Variants in NELL1 observed in about 807,000 individuals in gnomAD.
The protein encoded by NELL1 is protein kinase C-binding protein NELL1.
Under a neutral mutation model 107.4 loss-of-function variants are expected in NELL1, and 76 were observed. That is an observed-to-expected ratio of 0.71 (90% confidence interval 0.59 to 0.86). NELL1 has a LOEUF of 0.86. Among genes scored for constraint, NELL1 ranks in the 40% least tolerant of loss-of-function variants. NELL1 has a pLI of 0.00. For synonymous variants in NELL1, 353 were observed against 341.2 expected (o/e 1.03, Z -0.38); for missense variants, 1,024 against 1,005.5 (o/e 1.02, Z -0.25).
chr11:20,726,470 A>G (rs539376741), intron 2 of NELL1, among the ~76,000 whole-genome samples: 2 of 152,158 alleles, frequency 1.3e-5, no homozygotes, highest in African/African-American at 4.8e-5. Context: ...TCTGACTTCT[A>G]TCATCGATTA....
At chr11:21,138,245 T>A (rs561262337) in intron 13 of NELL1, among the ~76,000 whole-genome samples, 2 of 152,170 alleles carry the variant, frequency 1.3e-5, no homozygotes, top group Non-Finnish European at 2.9e-5. Flanking sequence ...TTGCGGGGAT[T>A]ACTAAGTTAA....
chr11:20,979,388 G>A (rs1165258495), intron 12 of NELL1, among the ~76,000 whole-genome samples: 5 of 152,116 alleles, frequency 3.3e-5, no homozygotes, highest in African/African-American at 9.7e-5. Context: ...GTGTGCACAC[G>A]TGTGTGTTTT....
chr11:21,109,184 G>T (rs879690744), intron 12 of NELL1, among the ~76,000 whole-genome samples: 4 of 152,034 alleles, frequency 2.6e-5, no homozygotes, highest in East Asian at 1.9e-4. Flanking sequence ...TCCATATAAA[G>T]TATCTAGCAT....
chr11:21,158,215 C>T (rs1856286522), intron 13 of NELL1, among the ~76,000 whole-genome samples: 1 of 152,144 alleles, frequency 6.6e-6, no homozygotes, highest in South Asian at 2.1e-4. Flanking sequence ...GGGCCTTTGG[C>T]CAGAGACTGA....
intron 14 of NELL1, among the ~76,000 whole-genome samples, chr11:21,321,263 C>T (rs1370453437): frequency 6.6e-6 from 1 of 152,102 alleles, no homozygotes; most frequent in African/African-American, 2.4e-5. Flanking sequence ...TACCCAGCAT[C>T]AGCAATCCAT....
chr11:20,905,007 T>A (rs1268584613), intron 5 of NELL1, among the ~76,000 whole-genome samples: 3 of 151,370 alleles, frequency 2.0e-5, no homozygotes, highest in East Asian at 1.9e-4. Context: ...TTTTAATTTT[T>A]TTTTTTTTTT....
intron 4 of NELL1, among the ~76,000 whole-genome samples, chr11:20,853,624 T>C (rs1387725308): frequency 6.6e-6 from 1 of 152,212 alleles, no homozygotes; most frequent in African/African-American, 2.4e-5. Context: ...TATACCATCA[T>C]ATAGAGAAGG....
Position 21,267,624 on chromosome 11 carries a change from G to A in NELL1, c.1549+38170G>A, listed in dbSNP as rs577758571. 2.0e-5 allele frequency among the ~76,000 whole-genome samples: 3 copies of A among 151,860 alleles called. No homozygotes were observed. The South Asian group carries it at 6.2e-4, about 31-fold the overall frequency. On this transcript the variant is annotated intron_variant, in intron 14 of 19. Transcript: ENST00000357134. ...AGTCTGAGTATGTTCCTGGGAGTGT[G>A]TCTCATATGAATGTCATTCACATCT... is the stretch of plus-strand genomic sequence containing the variant.
At chr11:20,787,133 T>C (rs1447996517) in intron 3 of NELL1, among the ~76,000 whole-genome samples, 6 of 142,550 alleles carry the variant, frequency 4.2e-5, no homozygotes, top group Non-Finnish European at 9.0e-5. Context: ...ACAAAATAAA[T>C]ATGAAGAAGT....
intron 13 of NELL1, among the ~76,000 whole-genome samples, chr11:21,204,358 T>C (rs972305554): frequency 1.3e-5 from 2 of 151,974 alleles, no homozygotes; most frequent in African/African-American, 4.8e-5. Flanking sequence ...TTTCATTAAG[T>C]TGATCTTCAA....
intron 14 of NELL1, among the ~76,000 whole-genome samples, chr11:21,273,680 A>G (rs1342331959): frequency 1.3e-5 from 2 of 152,270 alleles, no homozygotes; most frequent in Non-Finnish European, 2.9e-5. Flanking sequence ...ACAAAGGGAA[A>G]CCCATCAGAC....
chr11:21,139,688 G>A (rs1158029079), intron 13 of NELL1, among the ~76,000 whole-genome samples: 3 of 152,144 alleles, frequency 2.0e-5, no homozygotes, highest in African/African-American at 4.8e-5. Flanking sequence ...CACATTGTAG[G>A]TGATCAGTAA....
At chr11:20,797,937 T>C (rs1307938943) in intron 3 of NELL1, among the ~76,000 whole-genome samples, 4 of 152,238 alleles carry the variant, frequency 2.6e-5, no homozygotes, top group Non-Finnish European at 2.9e-5. Flanking sequence ...GGAGTAATAA[T>C]AGATGGGATG....
In NELL1 at chr11:21,558,804, G is replaced by T. The variant is rs545089679; in HGVS notation, c.1787-1385G>T. 3.3e-5 allele frequency among the ~76,000 whole-genome samples: 5 copies of T among 152,162 alleles called. No individual in the cohort carries two copies. In the South Asian group the frequency reaches 1.0e-3, roughly 32 times the overall value. On this transcript the variant is annotated intron_variant, in intron 16 of 19. Coordinates refer to ENST00000357134, the MANE Select transcript of NELL1 (RefSeq NM_006157.5). ...GCTTGGTTTCAAACATTGGTCACCA[G>T]ACTCCCACATTTAAAACTCCTTTTA...
chr11:21,347,371 G>T (rs758403446), intron 14 of NELL1, among the ~76,000 whole-genome samples: 30 of 152,278 alleles, frequency 2.0e-4, no homozygotes, highest in Non-Finnish European at 3.8e-4. Flanking sequence ...GGGAGGCTGA[G>T]GTAGGTGGAT....
chr11:20,828,938 A>G (rs1056803473), intron 3 of NELL1, among the ~76,000 whole-genome samples: 4 of 152,206 alleles, frequency 2.6e-5, no homozygotes, highest in African/African-American at 9.6e-5. Flanking sequence ...ATGATTCAAA[A>G]GAGAAAGTCC....
chr11:21,345,474 A>G (rs1850663709), intron 14 of NELL1, among the ~76,000 whole-genome samples: 1 of 152,204 alleles, frequency 6.6e-6, no homozygotes, highest in African/African-American at 2.4e-5. Context: ...TTGACAGAGC[A>G]GGGGCCATTC....
chr11:21,523,798 G>A (rs1855784445), intron 15 of NELL1, among the ~76,000 whole-genome samples: 1 of 151,992 alleles, frequency 6.6e-6, no homozygotes, highest in South Asian at 2.1e-4. Flanking sequence ...TAGGATACTT[G>A]TAGCACTCTT....
At chr11:20,745,055 CT>C (rs1855973571) in intron 2 of NELL1, among the ~76,000 whole-genome samples, 1 of 152,102 alleles carries the variant, frequency 6.6e-6, no homozygotes, top group African/African-American at 2.4e-5. Flanking sequence ...TTCCATCACC[CT>C]TTTTTTGAAA....
Sources: gnomAD v4.1 joint callset for allele counts (sites outside exome capture counted in the v4.1 genomes callset) on GRCh38, gnomAD v4.1.1 for gene constraint, MANE v1.5 for transcripts, NCBI Gene and HGNC (gene_info 2026-07-23, HGNC 2026-07-21) for gene names.